Variants in DNAH7 observed in about 807,000 individuals in gnomAD.
The protein encoded by DNAH7 is dynein axonemal heavy chain 7.
In DNAH7, 397 loss-of-function variants were observed where a neutral mutation model predicts 444.6. That is an observed-to-expected ratio of 0.89 (90% CI 0.82 to 0.97). The LOEUF (loss-of-function observed/expected upper bound fraction) is 0.97. Ranked by LOEUF, DNAH7 falls within the 50% of genes least tolerant of loss-of-function variation. The pLI, the probability that DNAH7 is intolerant of heterozygous loss-of-function variation, is 0.00. For missense variants in DNAH7, 4,902 were observed against 4,800.8 expected, an observed-to-expected ratio of 1.02 and a Z score of -0.62; for synonymous variants, 1,636 against 1,624.4, an observed-to-expected ratio of 1.01 and a Z score of -0.17.
chr2:195,945,337 C>A, intron 19 of DNAH7, among the ~76,000 whole-genome samples: 1 of 152,130 alleles, frequency 6.6e-6, no homozygotes, highest in Non-Finnish European at 1.5e-5. Context: ...CTGAGTTCAA[C>A]AACCCATCAT....
At chr2:195,741,541 A>C (rs1396105371) in intron 63 of DNAH7, among the ~76,000 whole-genome samples, 1 of 152,264 alleles carries the variant, frequency 6.6e-6, no homozygotes. Context: ...TGATTGTAAC[A>C]GTACAGATGT....
intron 8 of DNAH7, among the ~76,000 whole-genome samples, chr2:196,023,555 G>A (rs930521048): frequency 3.3e-5 from 5 of 152,118 alleles, no homozygotes; most frequent in Admixed American, 1.3e-4. Context: ...CAGCCTTTAC[G>A]GAACTGAAGA....
chr2:195,773,047 C>G (rs1016730499), intron 60 of DNAH7, among the ~76,000 whole-genome samples: 1 of 152,162 alleles, frequency 6.6e-6, no homozygotes, highest in Non-Finnish European at 1.5e-5. Context: ...TCCCAAAGTG[C>G]TGGGATTATA....
chr2:196,049,861 T>C (rs897340310), intron 3 of DNAH7, among the ~76,000 whole-genome samples: 3 of 152,232 alleles, frequency 2.0e-5, no homozygotes, highest in African/African-American at 4.8e-5. Context: ...ACTAACAATC[T>C]GCAACAAACT....
chr2:195,824,099 A>T (rs931390337), intron 49 of DNAH7, among the ~76,000 whole-genome samples, 156 bp downstream of exon 49: 2 of 152,192 alleles, frequency 1.3e-5, no homozygotes, highest in Non-Finnish European at 2.9e-5. Flanking sequence ...TCACCAATGC[A>T]ACATTTGGAA....
intron 5 of DNAH7, among the ~76,000 whole-genome samples, chr2:196,042,707 G>C (rs1224105363): frequency 6.6e-6 from 1 of 152,056 alleles, no homozygotes; most frequent in Non-Finnish European, 1.5e-5. Flanking sequence ...CAAAATGTGG[G>C]TAAGGTGGAG....
intron 26 of DNAH7, 53 bp from the exon 27 acceptor site, chr2:195,906,839 CTG>C: frequency 1.9e-6 from 3 of 1,608,950 alleles, no homozygotes; most frequent in Non-Finnish European, 2.6e-6. Context: ...TAAACATGAG[CTG>C]TGCCATTCAC....
intron 61 of DNAH7, among the ~76,000 whole-genome samples, chr2:195,762,101 G>A (rs1694375927): frequency 6.6e-6 from 1 of 150,704 alleles, no homozygotes; most frequent in African/African-American, 2.4e-5. Flanking sequence ...AGGGATGAAG[G>A]TAAAGTGTAG....
At chr2:196,013,671 C>T (rs1366077672) in intron 9 of DNAH7, among the ~76,000 whole-genome samples, 1 of 152,172 alleles carries the variant, frequency 6.6e-6, no homozygotes, top group East Asian at 1.9e-4. Flanking sequence ...GTACTCCGTA[C>T]ATGACATTGA....
chr2:195,754,332 C>T lies in DNAH7; in HGVS notation c.11764+5G>A, dbSNP rs767200826. 11 of 1,613,282 alleles carry T rather than the reference C, an allele frequency of 6.8e-6. No individual in the cohort carries two copies. In the South Asian group the frequency reaches 1.1e-4, roughly 16 times the overall value. ...TGAGCCGACTCATTCTGTCCCTGCA[C>T]TTACCATCCTCAGGAGGATGCTTGT... On this transcript the variant is annotated splice_donor_5th_base_variant and intron_variant, in intron 63 of 64. Coordinates refer to ENST00000312428, the MANE Select transcript of DNAH7 (RefSeq NM_018897.3).
chr2:196,025,883 C>T (rs1695655588), intron 7 of DNAH7, among the ~76,000 whole-genome samples: 1 of 152,136 alleles, frequency 6.6e-6, no homozygotes. Context: ...ATTTTGAACA[C>T]AGCATCCGTC....
Position 196,010,153 on chromosome 2 carries a change from T to C in DNAH7, c.989+2634A>G, listed in dbSNP as rs1413123131. 2.1e-5 allele frequency among the ~76,000 whole-genome samples: 3 copies of C among 140,588 alleles called. 1 individual carries two copies. The Admixed American group carries it at 2.2e-4, about 10-fold the overall frequency. 92.2% of individuals were successfully genotyped at this position (140,588 alleles called of 152,430 possible). ...TGCTCTTCTTCTTCTTTCTCTCTCTTTTTTTTTTTTTCTTGAGCCAGAGTC... is the reference window on the plus strand; with the variant it reads ...TGCTCTTCTTCTTCTTTCTCTCTCTCTTTTTTTTTTTCTTGAGCCAGAGTC... On this transcript the variant is annotated intron_variant, in intron 10 of 64. Coordinates refer to ENST00000312428, the MANE Select transcript of DNAH7 (RefSeq NM_018897.3).
At chr2:195,812,918 T>C (rs1271735216) in intron 51 of DNAH7, among the ~76,000 whole-genome samples, 1 of 152,204 alleles carries the variant, frequency 6.6e-6, no homozygotes, top group Non-Finnish European at 1.5e-5. Context: ...GCTAGCTTCT[T>C]AATTGGAAAC....
In DNAH7 at chr2:195,740,884, A is replaced by G; in HGVS notation, c.11765-15T>C. ...AATGAAAACACCTAAATATAAAAGA[A>G]ACACATTAATATAACACTTGAAATA... On this transcript the variant is annotated splice_polypyrimidine_tract_variant and intron_variant, in intron 63 of 64. Coordinates refer to ENST00000312428, the MANE Select transcript of DNAH7 (RefSeq NM_018897.3). The G allele has an allele frequency of 6.9e-7, 1 of 1,456,310 alleles. No individual in the cohort carries two copies. The highest frequency in any genetic ancestry group is 1.4e-5 in the South Asian group (1 of 71,476). 90.2% of individuals were successfully genotyped at this position (1,456,310 alleles called of 1,614,324 possible).
intron 19 of DNAH7, among the ~76,000 whole-genome samples, chr2:195,946,600 C>T (rs1689823811): frequency 6.6e-6 from 1 of 152,152 alleles, no homozygotes; most frequent in African/African-American, 2.4e-5. Flanking sequence ...TACCTTATGA[C>T]CACTGACAAA....
At chr2:195,861,667 G>A in intron 42 of DNAH7, 50 bp downstream of exon 42, 2 of 1,312,278 alleles carry the variant, frequency 1.5e-6, no homozygotes, top group East Asian at 4.7e-5. Context: ...GCACACACAA[G>A]TATTTTTAAT....
intron 49 of DNAH7, among the ~76,000 whole-genome samples, chr2:195,819,651 G>A (rs1697368657): frequency 6.6e-6 from 1 of 152,126 alleles, no homozygotes; most frequent in African/African-American, 2.4e-5. Context: ...AGGACTCTGA[G>A]AGTGGACAGC....
intron 25 of DNAH7, among the ~76,000 whole-genome samples, chr2:195,908,104 C>T (rs1008849492): frequency 7.2e-5 from 11 of 151,960 alleles, no homozygotes; most frequent in East Asian, 5.8e-4. Context: ...AGAATGAAGA[C>T]GGTCATTACA....
At chr2:195,875,639 T>C (rs761877328) in intron 38 of DNAH7, 36 bp downstream of exon 38, 96 of 1,526,486 alleles carry the variant, frequency 6.3e-5, no homozygotes, top group South Asian at 9.1e-5. Flanking sequence ...TAGGGAGATT[T>C]TTCCATCTTA....
Sources: gnomAD v4.1 joint callset for allele counts (sites outside exome capture counted in the v4.1 genomes callset) on GRCh38, gnomAD v4.1.1 for gene constraint, MANE v1.5 for transcripts, NCBI Gene and HGNC (gene_info 2026-07-23, HGNC 2026-07-21) for gene names.